Variants in AADAC observed in about 807,000 individuals in gnomAD.
The protein encoded by AADAC is arylacetamide deacetylase (esterase).
Under a neutral mutation model 22.7 loss-of-function variants are expected in AADAC, and 17 were observed. That is an observed-to-expected ratio of 0.75 (90% confidence interval 0.51 to 1.12). The LOEUF (loss-of-function observed/expected upper bound fraction) is 1.12, where lower values mean the gene tolerates loss of function less well. Among genes scored for constraint, AADAC ranks in the 50% most tolerant of loss-of-function variants. AADAC has a pLI of 0.00. For missense variants in AADAC, 465 were observed against 473.9 expected (o/e 0.98, Z 0.17); for synonymous variants, 167 against 176.3 (o/e 0.95, Z 0.42).
At chr3:151,816,760 A>AC (rs1413137856) in intron 1 of AADAC, among the ~76,000 whole-genome samples, 7 of 152,016 alleles carry the variant, frequency 4.6e-5, no homozygotes, top group Non-Finnish European at 5.9e-5. Context: ...GATGGTTGAC[A>AC]CTTTTTTTTT....
rs1716572512 is a variant in AADAC at position 151,827,930 on chromosome 3, GC to G, written c.962del (p.Pro321LeufsTer14). The G allele has an allele frequency of 1.2e-6, 2 of 1,611,074 alleles. No homozygotes were observed. Among genetic ancestry groups the G allele is most frequent in the Non-Finnish European group, 1.7e-6 (2 of 1,178,218 alleles). On this transcript the variant is annotated frameshift_variant, in exon 5 of 5. Transcript: ENST00000232892. LOFTEE classifies it low-confidence loss of function (END_TRUNC). Reference sequence around the variant, plus strand: ...TCCAGGGTTCCTAGATGTGAGGGCAGCCCCTTTGTTGGCTGATGACAACAAA... The same window carrying G: ...TCCAGGGTTCCTAGATGTGAGGGCAGCCCTTTGTTGGCTGATGACAACAAA... ...KYPGFLDVRAAPLLADDNKLR... is the reference protein window; with the variant it reads ...KYPGFLDVRAXPLLADDNKLR...
intron 4 of AADAC, among the ~76,000 whole-genome samples, chr3:151,826,974 G>T (rs1424768417): frequency 2.0e-5 from 3 of 151,902 alleles, no homozygotes; most frequent in African/African-American, 7.2e-5. Context: ...GAGTGCAGTG[G>T]TGTTTTCTCA....
At chr3:151,827,535 T>TGG (rs772042255) in intron 4 of AADAC, 41 bp from the exon 5 acceptor site, 8 of 1,302,224 alleles carry the variant, frequency 6.1e-6, no homozygotes, top group South Asian at 2.9e-5. Flanking sequence ...ATTTTATTGT[T>TGG]TTAAATGAAA....
chr3:151,823,664 T>C (rs1261880605), intron 3 of AADAC, among the ~76,000 whole-genome samples: 1 of 151,984 alleles, frequency 6.6e-6, no homozygotes, highest in Non-Finnish European at 1.5e-5. Context: ...AAGCTCTAGT[T>C]TGAGAATAAC....
At chr3:151,818,057 G>A (rs988659191) in intron 2 of AADAC, among the ~76,000 whole-genome samples, 2 of 151,856 alleles carry the variant, frequency 1.3e-5, no homozygotes, top group African/African-American at 4.8e-5. Context: ...TGGCCAACAT[G>A]GTGAAACCCT....
At chr3:151,815,454 T>C (rs1484641749) in intron 1 of AADAC, among the ~76,000 whole-genome samples, 1 of 152,146 alleles carries the variant, frequency 6.6e-6, no homozygotes, top group East Asian at 1.9e-4. Flanking sequence ...ATACAGTGCT[T>C]TGTGGGCACT....
rs1408712094 is a variant in AADAC, at chr3:151,824,793, G to T, written c.562G>T (p.Asp188Tyr). Reference protein sequence around the residue: ...VNPERIGISGDSAGGNLAAAV... With the variant: ...VNPERIGISGYSAGGNLAAAV... ...CCCTGAGAGAATCGGTATTTCTGGA[G>T]ATAGTGCAGGAGGGAATTTAGCTGC... is the stretch of plus-strand genomic sequence containing the variant. Residue 188 changes from aspartate (D) to tyrosine (Y), a missense_variant, in exon 4 of 5, where the codon GAT becomes TAT. By Grantham distance (160) the Asp-to-Tyr change is radical. Transcript: ENST00000232892. 6.2e-7 allele frequency: 1 copy of T among 1,605,870 alleles called. No individual in the cohort carries two copies. Among genetic ancestry groups the T allele is most frequent in the Admixed American group, 1.7e-5 (1 of 58,562 alleles).
chr3:151,822,349 T>G (rs1371680789), intron 3 of AADAC, among the ~76,000 whole-genome samples: 1 of 152,030 alleles, frequency 6.6e-6, no homozygotes, highest in Non-Finnish European at 1.5e-5. Context: ...TAAAAACTTG[T>G]ATGTTCACAG....
chr3:151,819,144 G>A (rs1184383171), intron 2 of AADAC, among the ~76,000 whole-genome samples: 1 of 151,888 alleles, frequency 6.6e-6, no homozygotes, highest in African/African-American at 2.4e-5. Context: ...CCTCATTTCT[G>A]ACAGGATGAC....
intron 3 of AADAC, 101 bp from the exon 4 acceptor site, chr3:151,824,562 C>A: frequency 1.0e-6 from 1 of 986,184 alleles, no homozygotes; most frequent in Non-Finnish European, 1.4e-6. Flanking sequence ...TAGGTTGGTG[C>A]AAAAGTTATT....
intron 3 of AADAC, among the ~76,000 whole-genome samples, chr3:151,824,313 A>C (rs1400837572): frequency 1.3e-5 from 2 of 152,016 alleles, no homozygotes; most frequent in African/African-American, 4.8e-5. Flanking sequence ...TGAACAATTG[A>C]AACCAGATAC....
chr3:151,825,955 T>C (rs1716474628), intron 4 of AADAC, among the ~76,000 whole-genome samples: 1 of 151,930 alleles, frequency 6.6e-6, no homozygotes, highest in Non-Finnish European at 1.5e-5. Flanking sequence ...AGAACTGCAA[T>C]CCCAGCACTC....
At position 151,827,778 on chromosome 3, in the gene AADAC, A is replaced by G. The variant is rs1454823589; in HGVS notation, c.806A>G (p.His269Arg). 6.2e-7 allele frequency: 1 copy of G among 1,613,376 alleles called. No individual in the cohort carries two copies. The highest frequency in any genetic ancestry group is 8.5e-7 in the Non-Finnish European group (1 of 1,179,540). Residue 269 changes from histidine to arginine, a missense_variant, in exon 5 of 5, where the codon CAT becomes CGT. By Grantham distance (29) the His-to-Arg change is conservative. Coordinates refer to ENST00000232892, the MANE Select transcript of AADAC (RefSeq NM_001086.3). ...SLEKAMLSRQHVPVESSHLFK... is the reference protein window; with the variant it reads ...SLEKAMLSRQRVPVESSHLFK... ...GAAAAAGCCATGCTTTCCAGACAAC[A>G]TGTACCTGTGGAATCAAGTCATCTC...
At chr3:151,814,811 T>C (rs1463216097) in intron 1 of AADAC, among the ~76,000 whole-genome samples, 2 of 151,982 alleles carry the variant, frequency 1.3e-5, no homozygotes, top group Admixed American at 6.6e-5. Flanking sequence ...TATGCACAAA[T>C]GAGAGGGGGA....
Position 151,828,058 on chromosome 3 carries a change from G to A in AADAC, c.1086G>A (p.Gln362=), listed in dbSNP as rs1576647343. ...YVTRLRNTGV[Q]VTHNHVEDGF... ...CCCGACTTCGCAACACTGGGGTTCA[G>A]GTGACTCATAACCATGTTGAGGATG... The change falls in exon 5 of 5, where the codon CAG becomes CAA. Residue 362 remains glutamine, a synonymous_variant. Coordinates refer to ENST00000232892, the MANE Select transcript of AADAC (RefSeq NM_001086.3). The A allele has an allele frequency of 3.1e-6, 5 of 1,613,174 alleles. No individual in the cohort carries two copies. Among genetic ancestry groups the A allele is most frequent in the East Asian group, 2.2e-5 (1 of 44,880 alleles).
At chr3:151,823,407 C>G (rs1192925743) in intron 3 of AADAC, among the ~76,000 whole-genome samples, 2 of 151,792 alleles carry the variant, frequency 1.3e-5, no homozygotes, top group African/African-American at 4.8e-5. Flanking sequence ...TACATATATA[C>G]ATTTTCAAAT....
chr3:151,826,725 A>T (rs2108036396), intron 4 of AADAC, among the ~76,000 whole-genome samples: 1 of 151,936 alleles, frequency 6.6e-6, no homozygotes, highest in South Asian at 2.1e-4. Context: ...CTCTTTACAG[A>T]CCACTGATTA....
At chr3:151,817,822 C>T (rs1716057203) in intron 2 of AADAC, among the ~76,000 whole-genome samples, 1 of 151,868 alleles carries the variant, frequency 6.6e-6, no homozygotes, top group Non-Finnish European at 1.5e-5. Context: ...TTCTATTTAT[C>T]ACAATTACTC....
chr3:151,826,221 GAT>G (rs1716486532), intron 4 of AADAC, among the ~76,000 whole-genome samples: 1 of 151,896 alleles, frequency 6.6e-6, no homozygotes, highest in South Asian at 2.1e-4. Context: ...AAACTTCACA[GAT>G]AGATTTCTAA....
Sources: gnomAD v4.1 joint callset for allele counts (sites outside exome capture counted in the v4.1 genomes callset) on GRCh38, gnomAD v4.1.1 for gene constraint, MANE v1.5 for transcripts, NCBI Gene and HGNC (gene_info 2026-07-23, HGNC 2026-07-21) for gene names.